The following PAWR variants were observed in gnomAD, a reference collection of about 807,000 sequenced individuals.
PAWR encodes the protein pro-apoptotic WT1 regulator, also known as PRKC apoptosis WT1 regulator protein.
Under a neutral mutation model 32.0 loss-of-function variants are expected in PAWR, and 23 were observed. The ratio of observed to expected loss-of-function variants is 0.72; its 90% confidence interval spans 0.52 to 1.02. The LOEUF is 1.02. Ranked by LOEUF, PAWR falls within the 50% of genes least tolerant of loss-of-function variation. The pLI, the probability that PAWR is intolerant of heterozygous loss-of-function variation, is 0.00. For missense variants in PAWR, 457 were observed against 437.7 expected (o/e 1.04, Z -0.39); for synonymous variants, 226 against 187.1 (o/e 1.21, Z -1.70).
At chr12:79,594,585 TC>T in intron 5 of PAWR, 152 bp from the exon 6 acceptor site, 2 of 572,976 alleles carry the variant, frequency 3.5e-6, no homozygotes, top group Non-Finnish European at 3.0e-6. Context: ...GGAACAAAGA[TC>T]CCACCACAAA....
At chr12:79,665,994 C>G (rs73345544) in intron 2 of PAWR, among the ~76,000 whole-genome samples, 1,694 of 152,240 alleles carry the variant, frequency 0.011, 43 homozygotes, top group African/African-American at 0.038. Flanking sequence ...CATCAGATAA[C>G]TTGAAAGCTT....
chr12:79,641,728 TC>T (rs1876330581), intron 2 of PAWR, among the ~76,000 whole-genome samples: 1 of 151,606 alleles, frequency 6.6e-6, no homozygotes, highest in African/African-American at 2.4e-5. Context: ...GTTCCTGTAA[TC>T]CCAGCTTCTT....
At chr12:79,600,311 C>T (rs534555215) in intron 4 of PAWR, among the ~76,000 whole-genome samples, 253 of 152,084 alleles carry the variant, frequency 1.7e-3, no homozygotes, top group Middle Eastern at 6.8e-3. Context: ...ATAAATAATA[C>T]AAATTTTGCT....
At chr12:79,595,384 G>C (rs945922676) in intron 5 of PAWR, among the ~76,000 whole-genome samples, 2 of 152,196 alleles carry the variant, frequency 1.3e-5, no homozygotes, top group Admixed American at 1.3e-4. Context: ...CCAGAACTTG[G>C]CTTCTTTCTT....
At chr12:79,647,205 T>C (rs969273030) in intron 2 of PAWR, among the ~76,000 whole-genome samples, 2 of 149,902 alleles carry the variant, frequency 1.3e-5, no homozygotes, top group Non-Finnish European at 3.0e-5. Flanking sequence ...AGGAAAGAAA[T>C]GGCAGTAGTA....
intron 4 of PAWR, 36 bp downstream of exon 4, chr12:79,613,539 A>T (rs913890354): frequency 8.5e-7 from 1 of 1,177,466 alleles, no homozygotes; most frequent in Admixed American, 1.8e-5. Context: ...CATTACATTC[A>T]TGTCTACAAT....
chr12:79,606,579 G>A (rs1394623048), intron 4 of PAWR, among the ~76,000 whole-genome samples: 1 of 152,072 alleles, frequency 6.6e-6, no homozygotes, highest in Non-Finnish European at 1.5e-5. Flanking sequence ...GAAATCTAGA[G>A]CCATATATCT....
At chr12:79,613,930 A>C (rs760630271) in intron 3 of PAWR, among the ~76,000 whole-genome samples, 1 of 69,682 alleles carries the variant, frequency 1.4e-5, no homozygotes, top group Admixed American at 1.9e-4. Flanking sequence ...AAGTACCACC[A>C]TTATATATAT....
At chr12:79,615,090 T>C (rs1592502281) in intron 3 of PAWR, among the ~76,000 whole-genome samples, 1 of 152,216 alleles carries the variant, frequency 6.6e-6, no homozygotes, top group South Asian at 2.1e-4. Context: ...AACTGGGATA[T>C]GGAAAAATCT....
intron 6 of PAWR, among the ~76,000 whole-genome samples, chr12:79,594,127 A>T (rs1873659569): frequency 6.6e-6 from 1 of 152,170 alleles, no homozygotes; most frequent in African/African-American, 2.4e-5. Context: ...CTATCTCCAA[A>T]AGAATAAAAT....
At chr12:79,629,177 G>T (rs1006141481) in intron 2 of PAWR, among the ~76,000 whole-genome samples, 1 of 152,004 alleles carries the variant, frequency 6.6e-6, no homozygotes, top group Non-Finnish European at 1.5e-5. Flanking sequence ...AAATGCACAT[G>T]ATCTAACCAT....
chr12:79,650,783 T>TA (rs1876807697), intron 2 of PAWR, among the ~76,000 whole-genome samples: 1 of 145,590 alleles, frequency 6.9e-6, no homozygotes, highest in Non-Finnish European at 1.5e-5. Flanking sequence ...CTACAACCAC[T>TA]AATTTGCTGA....
chr12:79,649,876 G>A (rs957295122), intron 2 of PAWR, among the ~76,000 whole-genome samples: 1 of 152,018 alleles, frequency 6.6e-6, no homozygotes, highest in Non-Finnish European at 1.5e-5. Flanking sequence ...ATTTTTTCAC[G>A]GACTGGGCTG....
chr12:79,619,905 A>T (rs1384229869), intron 3 of PAWR, among the ~76,000 whole-genome samples: 1 of 152,222 alleles, frequency 6.6e-6, no homozygotes, highest in Non-Finnish European at 1.5e-5. Context: ...GCTTATAAAG[A>T]TCAATAAGGA....
chr12:79,653,065 C>T (rs1009246026), intron 2 of PAWR, among the ~76,000 whole-genome samples: 1 of 152,026 alleles, frequency 6.6e-6, no homozygotes, highest in Non-Finnish European at 1.5e-5. Flanking sequence ...TTTTTTGAGA[C>T]AGAGTCTCGC....
rs1278117516 is a variant in PAWR at position 79,589,909 on chromosome 12, T to C, written c.*2698A>G. ...CTTTATTGACAATAGACAAGTCTTTTAGGGTAGTGCACATGTACTTAAAAA... is the reference window on the plus strand; with the variant it reads ...CTTTATTGACAATAGACAAGTCTTTCAGGGTAGTGCACATGTACTTAAAAA... On this transcript the variant is annotated 3_prime_UTR_variant, in exon 7 of 7. Coordinates refer to ENST00000328827, the MANE Select transcript of PAWR (RefSeq NM_002583.4). 3 of 152,210 alleles carry C rather than the reference T, an allele frequency of 2.0e-5. No homozygotes were observed. The East Asian group carries it at 5.8e-4, about 29-fold the overall frequency. The allele number at this position is 152,210 out of a possible 1,614,324, so 9.4% of individuals were successfully genotyped here.
chr12:79,628,226 G>T (rs1875438378), intron 2 of PAWR, among the ~76,000 whole-genome samples: 1 of 152,158 alleles, frequency 6.6e-6, no homozygotes. Context: ...ATAATGAAAT[G>T]AAGGCAGAAA....
intron 4 of PAWR, chr12:79,604,559 A>T: frequency 8.1e-7 from 1 of 1,236,976 alleles, no homozygotes; most frequent in South Asian, 1.4e-5. Flanking sequence ...ATAAGTATCA[A>T]ATATTCAGAA....
intron 2 of PAWR, among the ~76,000 whole-genome samples, chr12:79,626,173 A>T (rs1256213049): frequency 6.8e-6 from 1 of 146,646 alleles, no homozygotes; most frequent in Non-Finnish European, 1.5e-5. Context: ...TAAAAAAAAA[A>T]AAAAAAAAAA....
Sources: gnomAD v4.1 joint callset for allele counts (sites outside exome capture counted in the v4.1 genomes callset) on GRCh38, gnomAD v4.1.1 for gene constraint, MANE v1.5 for transcripts, NCBI Gene and HGNC (gene_info 2026-07-23, HGNC 2026-07-21) for gene names.